Variants in CSF2RA observed in about 807,000 individuals in gnomAD.
CSF2RA encodes granulocyte-macrophage colony-stimulating factor receptor subunit alpha.
In CSF2RA, 42 loss-of-function variants were observed where a neutral mutation model predicts 51.6. The ratio of observed to expected loss-of-function variants is 0.81; its 90% confidence interval spans 0.64 to 1.05. The LOEUF is 1.05. Ranked by LOEUF, CSF2RA falls within the 50% of genes least tolerant of loss-of-function variation. The probability of loss-of-function intolerance (pLI) is 0.00; values close to 1 mark genes in which losing one functional copy is unlikely to be tolerated. For missense variants in CSF2RA, 530 were observed against 501.1 expected (o/e 1.06, Z -0.55); for synonymous variants, 222 against 193.0 (o/e 1.15, Z -1.24).
At chrX:1,294,219 T>TCC in intron 7 of CSF2RA, 109 bp from the exon 8 acceptor site, 2 of 1,400,278 alleles carry the variant, frequency 1.4e-6, no homozygotes, top group South Asian at 2.3e-5. Flanking sequence ...CTACTCCACC[T>TCC]CCACCTGGAC....
At chrX:1,316,451 G>A in the CSF2RA span, among the ~76,000 whole-genome samples, 1 of 152,264 alleles carries the variant, frequency 6.6e-6, no homozygotes, top group South Asian at 2.1e-4. Context: ...CCCCAGGCCA[G>A]CAAAGATACT....
At chrX:1,324,426 A>G in the CSF2RA span, among the ~76,000 whole-genome samples, 2 of 132,566 alleles carry the variant, frequency 1.5e-5, no homozygotes, top group African/African-American at 5.3e-5. Context: ...AAGAAAAAGA[A>G]AGAAGAGAGA....
At chrX:1,281,003 C>A (rs1299813900) in intron 2 of CSF2RA, among the ~76,000 whole-genome samples, 1 of 120,766 alleles carries the variant, frequency 8.3e-6, no homozygotes, top group Non-Finnish European at 1.8e-5. Context: ...TTCTCCTCCT[C>A]CTCCTTCTCC....
chrX:1,316,694 T>G, the CSF2RA span, among the ~76,000 whole-genome samples: 1 of 152,002 alleles, frequency 6.6e-6, no homozygotes, highest in African/African-American at 2.4e-5. Flanking sequence ...AACGCCTGGG[T>G]TCTCCTGAAT....
At chrX:1,323,387 A>G in the CSF2RA span, among the ~76,000 whole-genome samples, 1 of 151,944 alleles carries the variant, frequency 6.6e-6, no homozygotes, top group Non-Finnish European at 1.5e-5. Flanking sequence ...CCTGTTATTA[A>G]ACGTCCATAG....
chrX:1,310,032 A>C (rs2084086518), downstream of CSF2RA: 1 of 371,618 alleles, frequency 2.7e-6, no homozygotes, highest in South Asian at 8.5e-5. Context: ...CTGTCTCTAC[A>C]AAAAAGGCAA....
intron 6 of CSF2RA, among the ~76,000 whole-genome samples, chrX:1,289,926 T>C (rs1342109765): frequency 5.5e-5 from 7 of 127,874 alleles, no homozygotes; most frequent in African/African-American, 1.8e-4. Flanking sequence ...TTTTGTGTTT[T>C]GTTTTGTTTT....
chrX:1,293,873 G>C, intron 7 of CSF2RA: 1 of 363,262 alleles, frequency 2.8e-6, no homozygotes, highest in Admixed American at 4.5e-5. Context: ...AGGAGACCCT[G>C]CCCCACCTCC....
intron 2 of CSF2RA, 38 bp from the exon 3 acceptor site, chrX:1,282,640 G>C: frequency 1.4e-6 from 2 of 1,460,604 alleles, no homozygotes; most frequent in Non-Finnish European, 1.9e-6. Context: ...TCCTGGGAGA[G>C]GCAACCTTCT....
chrX:1,309,227 A>C (rs764333200), intron 12 of CSF2RA, among the ~76,000 whole-genome samples, 175 bp from the exon 13 acceptor site: 6 of 152,274 alleles, frequency 3.9e-5, no homozygotes, highest in African/African-American at 1.4e-4. Flanking sequence ...AGGCAGGAGA[A>C]TCGCTTGAAC....
the CSF2RA span, among the ~76,000 whole-genome samples, chrX:1,315,724 T>C: frequency 9.2e-3 from 1,395 of 152,022 alleles, 24 homozygotes; most frequent in African/African-American, 0.033. Flanking sequence ...GAATTTTAGA[T>C]AGATGATAGA....
chrX:1,301,445 C>T (rs1211249975), intron 10 of CSF2RA, among the ~76,000 whole-genome samples: 3 of 151,580 alleles, frequency 2.0e-5, no homozygotes, highest in African/African-American at 4.8e-5. Context: ...AGCTAGAATC[C>T]CTTAATAGCC....
Position 1,282,690 on chromosome X carries a change from C to G in CSF2RA, c.-14C>G, listed in dbSNP as rs778761602. On this transcript the variant is annotated 5_prime_UTR_variant, in exon 3 of 13. Coordinates refer to ENST00000381529, the MANE Select transcript of CSF2RA (RefSeq NM_172245.4). The stretch of plus-strand genomic sequence containing the variant: ...TTCTCTCCTGCAGCTCTTCCCTTCT[C>G]TCTGACCAGCACCATGCTTCTCCTG... 1 of 1,611,150 alleles carries G rather than the reference C, an allele frequency of 6.2e-7. No individual in the cohort carries two copies. The highest frequency in any genetic ancestry group is 1.1e-5 in the South Asian group (1 of 91,032).
At chrX:1,291,840 C>G (rs2091431930) in intron 7 of CSF2RA, among the ~76,000 whole-genome samples, 1 of 150,038 alleles carries the variant, frequency 6.7e-6, no homozygotes, top group African/African-American at 2.5e-5. Context: ...GGAGACTGCA[C>G]CACCTCCACC....
the CSF2RA span, among the ~76,000 whole-genome samples, chrX:1,316,260 T>TGATAGATAGATA: frequency 1.5e-3 from 144 of 94,230 alleles, no homozygotes; most frequent in South Asian, 1.6e-3. Flanking sequence ...ATTAGATAGA[T>TGATAGATAGATA]GATAGATAGA....
At chrX:1,317,408 C>T in the CSF2RA span, among the ~76,000 whole-genome samples, 28 of 149,468 alleles carry the variant, frequency 1.9e-4, 1 homozygote, top group East Asian at 5.4e-3. Context: ...TGCACCACCA[C>T]GCCCGGCTAA....
intron 2 of CSF2RA, among the ~76,000 whole-genome samples, chrX:1,280,993 TTCTCCTCCTCCTC>T (rs1156437599): frequency 1.2e-3 from 142 of 120,404 alleles, no homozygotes; most frequent in Non-Finnish European, 2.2e-3. Context: ...CTCCTCCTCC[TTCTCCTCCTCCTC>T]CTTCTCCTCC....
chrX:1,301,331 CA>C (rs1156943650), intron 10 of CSF2RA, among the ~76,000 whole-genome samples: 2,165 of 62,672 alleles, frequency 0.035, 42 homozygotes, highest in African/African-American at 0.085. Flanking sequence ...GACTCTGTCT[CA>C]AAAAAAAAAA....
chrX:1,277,148 G>A (rs1220021363), intron 2 of CSF2RA, among the ~76,000 whole-genome samples: 2 of 151,928 alleles, frequency 1.3e-5, no homozygotes, highest in Non-Finnish European at 2.9e-5. Context: ...AGGGAAAAGA[G>A]GTGAAGAAAT....
Sources: allele counts gnomAD v4.1 joint callset (sites outside exome capture counted in the v4.1 genomes callset), GRCh38; gene constraint gnomAD v4.1.1; transcripts MANE v1.5; gene names NCBI Gene and HGNC (gene_info 2026-07-23, HGNC 2026-07-21).